Variants in NEK4 observed in about 807,000 individuals in gnomAD.
The protein encoded by NEK4 is NIMA related kinase 4.
A neutral mutation model predicts 98.4 loss-of-function variants in NEK4; 86 were observed. The observed-to-expected ratio is 0.87, with a 90% CI of 0.73 to 1.05. The LOEUF (loss-of-function observed/expected upper bound fraction) is 1.05. Among genes scored for constraint, NEK4 ranks in the 50% least tolerant of loss-of-function variants. The pLI is 0.00. For synonymous variants in NEK4, 328 were observed against 342.2 expected (o/e 0.96, Z 0.46); for missense variants, 898 against 950.3 (o/e 0.94, Z 0.72).
At chr3:52,734,040 T>C (rs1207012950) in intron 15 of NEK4, among the ~76,000 whole-genome samples, 2 of 152,110 alleles carry the variant, frequency 1.3e-5, no homozygotes, top group Non-Finnish European at 2.9e-5. Context: ...AATGTAAAGA[T>C]AATATATATA....
intron 15 of NEK4, among the ~76,000 whole-genome samples, chr3:52,723,753 TC>T (rs2097362143): frequency 6.6e-6 from 1 of 151,062 alleles, no homozygotes; most frequent in Non-Finnish European, 1.5e-5. Context: ...AATGTGGGAG[TC>T]CCAGAGAAAG....
At chr3:52,730,431 T>C (rs569708676) in intron 15 of NEK4, among the ~76,000 whole-genome samples, 3 of 152,140 alleles carry the variant, frequency 2.0e-5, no homozygotes, top group Admixed American at 1.3e-4. Context: ...CCTGGTTCAT[T>C]TTATGAGGCT....
At chr3:52,715,026 C>T (rs2097353877) in intron 15 of NEK4, among the ~76,000 whole-genome samples, 1 of 152,196 alleles carries the variant, frequency 6.6e-6, no homozygotes, top group African/African-American at 2.4e-5. Context: ...CAGCCTGGGC[C>T]CCGGGCAGGA....
rs367869063 is a variant in NEK4, at chr3:52,769,714, C to T, written c.93+940G>A. 8.7e-4 allele frequency among the ~76,000 whole-genome samples: 132 copies of T among 152,358 alleles called. 2 individuals carry two copies. The highest frequency in any genetic ancestry group is 3.1e-3 in the African/African-American group (128 of 41,570). ...ACATCTCTTCTCAGCTTGCCTGGAG[C>T]AGTCCTACTGTCCTGGTGTAACTAT... On this transcript the variant is annotated intron_variant, in intron 1 of 15. Transcript: ENST00000233027.
At chr3:52,754,310 T>C (rs1016600973) in intron 6 of NEK4, 5 of 357,272 alleles carry the variant, frequency 1.4e-5, no homozygotes, top group Admixed American at 3.7e-5. Context: ...TGAAGAGCAT[T>C]TGGAAAATGG....
In NEK4 at chr3:52,744,288, G is replaced by C. The variant is rs1203785515; in HGVS notation, c.1845C>G (p.Ala615=). The change falls in exon 11 of 16, where the codon GCC becomes GCG. Residue 615 remains alanine, a synonymous_variant. Transcript: ENST00000233027. ...MSSSKDRPLS[A]RERRRLKQSQ... ...ACTGCTTTAGTCGCCTCCTCTCTCT[G>C]GCTGATAATGGTCGATCCTTTAAAA... 1.2e-6 allele frequency: 2 copies of C among 1,613,564 alleles called. No homozygotes were observed. The highest frequency in any genetic ancestry group is 3.3e-5 in the Admixed American group (2 of 59,998).
At chr3:52,724,207 TG>T (rs935690400) in intron 15 of NEK4, among the ~76,000 whole-genome samples, 1 of 144,626 alleles carries the variant, frequency 6.9e-6, no homozygotes, top group Non-Finnish European at 1.5e-5. Flanking sequence ...CACTCCACCC[TG>T]GGGACAGTGA....
At chr3:52,741,236 C>CAAAAAAA (rs35123782) in intron 13 of NEK4, among the ~76,000 whole-genome samples, 175 bp downstream of exon 13, 6 of 59,590 alleles carry the variant, frequency 1.0e-4, no homozygotes, top group African/African-American at 3.8e-4. Flanking sequence ...AACTCCGTCT[C>CAAAAAAA]AAAAAAAAAA....
At position 52,746,230 on chromosome 3, in the gene NEK4, A is replaced by G. The variant is rs771923498; in HGVS notation, c.1678-20T>C. Reference sequence around the variant, plus strand: ...TTGGAACTTAAATAATTAAAAAAGAAGATTATCAGTTTCATATATAGCCCC... The same window carrying G: ...TTGGAACTTAAATAATTAAAAAAGAGGATTATCAGTTTCATATATAGCCCC... On this transcript the variant is annotated intron_variant, in intron 9 of 15. Coordinates refer to ENST00000233027, the MANE Select transcript of NEK4 (RefSeq NM_003157.6). The G allele has an allele frequency of 1.9e-6, 3 of 1,611,740 alleles. No homozygotes were observed. The South Asian group carries it at 3.3e-5, about 18-fold the overall frequency.
intron 6 of NEK4, chr3:52,753,813 C>T (rs1179065536): frequency 6.4e-6 from 3 of 467,138 alleles, no homozygotes; most frequent in East Asian, 5.5e-5. Context: ...TATGTGCAGC[C>T]ATCTTATCCC....
chr3:52,717,332 A>C (rs2097355967), intron 15 of NEK4, among the ~76,000 whole-genome samples: 1 of 151,448 alleles, frequency 6.6e-6, no homozygotes, highest in Admixed American at 6.6e-5. Context: ...ACTTGAATCC[A>C]GCAGGCAGAG....
chr3:52,770,797 C>A lies in NEK4; in HGVS notation c.-51G>T. 6.8e-7 allele frequency: 1 copy of A among 1,479,556 alleles called. No individual in the cohort carries two copies. The highest frequency in any genetic ancestry group is 9.2e-7 in the Non-Finnish European group (1 of 1,091,338). The allele number at this position is 1,479,556 out of a possible 1,614,324, so 91.7% of individuals were successfully genotyped here. ...GATGCGGCGGCAGCGGCGGGTAGGG[C>A]AGCGGGCGGCAACAAGAAGCTCGGT... On this transcript the variant is annotated 5_prime_UTR_variant, in exon 1 of 16. Coordinates refer to ENST00000233027, the MANE Select transcript of NEK4 (RefSeq NM_003157.6).
intron 13 of NEK4, among the ~76,000 whole-genome samples, chr3:52,740,367 C>T (rs1260277864): frequency 1.3e-5 from 2 of 151,030 alleles, no homozygotes; most frequent in African/African-American, 4.9e-5. Flanking sequence ...AAAAAAAGAC[C>T]CAAATCAAAT....
rs569549975 is a variant in NEK4 at position 52,739,350 on chromosome 3, G to A, written c.2299+79C>T. On this transcript the variant is annotated intron_variant, in intron 14 of 15. Transcript: ENST00000233027. ...GGAGGCAAAGGTTGCAGTGAGCCAA[G>A]ATCACACTACTGCACTCCAGCCTGG... is the stretch of plus-strand genomic sequence containing the variant. The A allele has an allele frequency of 3.2e-6, 4 of 1,235,722 alleles. No individual in the cohort carries two copies. The East Asian group carries it at 7.0e-5, about 22-fold the overall frequency. The allele number at this position is 1,235,722 out of a possible 1,614,324, so 76.5% of individuals were successfully genotyped here. A position where few individuals can be genotyped will look rare whatever the true frequency, so the allele number is the denominator to read the frequency against.
intron 10 of NEK4, among the ~76,000 whole-genome samples, chr3:52,745,208 C>T (rs1204273419): frequency 6.6e-6 from 1 of 151,960 alleles, no homozygotes. Flanking sequence ...CGTGAGCCAC[C>T]GCACCTGGCC....
At chr3:52,738,174 A>G (rs1238304149) in intron 14 of NEK4, among the ~76,000 whole-genome samples, 3 of 151,362 alleles carry the variant, frequency 2.0e-5, no homozygotes, top group Non-Finnish European at 4.4e-5. Flanking sequence ...CAGTGTGACC[A>G]TAGCTCACTA....
At chr3:52,770,552 G>C (rs1299935614) in intron 1 of NEK4, 102 bp downstream of exon 1, 18 of 850,084 alleles carry the variant, frequency 2.1e-5, no homozygotes, top group South Asian at 2.9e-5. Flanking sequence ...AACGCCATCC[G>C]AGATGAGCCT....
chr3:52,770,572 AC>A, intron 1 of NEK4, 81 bp downstream of exon 1: 2 of 1,039,700 alleles, frequency 1.9e-6, no homozygotes, highest in East Asian at 2.7e-5. Flanking sequence ...TCTTGCGACC[AC>A]CCCCGACCTA....
intron 2 of NEK4, among the ~76,000 whole-genome samples, chr3:52,767,805 G>C (rs987280222): frequency 6.6e-6 from 1 of 151,696 alleles, no homozygotes; most frequent in Non-Finnish European, 1.5e-5. Flanking sequence ...TTCCAAAATA[G>C]TATTTCATAA....
Sources: gnomAD v4.1 joint callset for allele counts (sites outside exome capture counted in the v4.1 genomes callset) on GRCh38, gnomAD v4.1.1 for gene constraint, MANE v1.5 for transcripts, NCBI Gene and HGNC (gene_info 2026-07-23, HGNC 2026-07-21) for gene names.